MAGI2: variants seen among roughly 807,000 people sequenced by gnomAD.
MAGI2 encodes the protein membrane associated guanylate kinase, WW and PDZ domain containing 2, also known as membrane-associated guanylate kinase, WW and PDZ domain-containing protein 2.
In MAGI2, 35 loss-of-function variants were observed where a neutral mutation model predicts 133.3. The ratio of observed to expected loss-of-function variants is 0.26; its 90% CI spans 0.20 to 0.35. The LOEUF is 0.35. Among genes scored for constraint, MAGI2 ranks in the 10% least tolerant of loss-of-function variants. MAGI2 has a pLI of 1.00. For synonymous variants in MAGI2, 729 were observed against 710.6 expected (o/e 1.03, Z -0.41); for missense variants, 1,636 against 1,863.4 (o/e 0.88, Z 2.25).
intron 1 of MAGI2, among the ~76,000 whole-genome samples, chr7:79,291,390 C>A (rs886831039): frequency 3.9e-5 from 6 of 152,026 alleles, no homozygotes; most frequent in African/African-American, 1.2e-4. Context: ...ATACAAGTTT[C>A]TGTGTGGACA....
chr7:78,787,844 A>C (rs1193155676), intron 2 of MAGI2, among the ~76,000 whole-genome samples: 1 of 152,206 alleles, frequency 6.6e-6, no homozygotes, highest in Non-Finnish European at 1.5e-5. Flanking sequence ...TCATCATATG[A>C]TTTTGTTAAT....
intron 3 of MAGI2, among the ~76,000 whole-genome samples, chr7:78,620,739 A>G (rs1353964269): frequency 1.3e-5 from 2 of 151,988 alleles, no homozygotes; most frequent in Non-Finnish European, 2.9e-5. Flanking sequence ...AAAAATTGGG[A>G]CAATATTACA....
chr7:78,756,823 CCTTT>C (rs1249395277), intron 2 of MAGI2, among the ~76,000 whole-genome samples: 1 of 152,102 alleles, frequency 6.6e-6, no homozygotes, highest in African/African-American at 2.4e-5. Flanking sequence ...AACGTATTCA[CCTTT>C]ATTTTTTTGC....
intron 1 of MAGI2, among the ~76,000 whole-genome samples, chr7:79,298,333 GA>G (rs1837108432): frequency 1.3e-5 from 2 of 152,044 alleles, no homozygotes; most frequent in South Asian, 4.1e-4. Context: ...AGAACAAGTG[GA>G]AACAGTTCCA....
At chr7:78,048,042 C>CA (rs1392727332) in intron 21 of MAGI2, among the ~76,000 whole-genome samples, 1 of 152,216 alleles carries the variant, frequency 6.6e-6, no homozygotes, top group Non-Finnish European at 1.5e-5. Flanking sequence ...TATCAGATAA[C>CA]AGCTGTGGCT....
At position 79,353,253 on chromosome 7, in the gene MAGI2, CCCT is replaced by C. The variant is rs373217234; in HGVS notation, c.301+99764_301+99766del. On this transcript the variant is annotated intron_variant, in intron 1 of 21. Transcript: ENST00000354212. ...TCAGAGTCTAGGGAGCACTTCCACC[CCCT>C]CCTCTTCTCAGCCCTGGCAGGGTGG... 2.4e-3 allele frequency among the ~76,000 whole-genome samples: 372 copies of C among 152,232 alleles called. 3 individuals are homozygous for C. The highest frequency in any genetic ancestry group is 8.3e-3 in the African/African-American group (344 of 41,524).
intron 2 of MAGI2, among the ~76,000 whole-genome samples, chr7:79,004,189 A>G (rs1483749488): frequency 6.6e-6 from 1 of 152,214 alleles, no homozygotes; most frequent in African/African-American, 2.4e-5. Flanking sequence ...TACAATAGCA[A>G]AGACAAGGAC....
chr7:78,330,405 C>T (rs1789047135), intron 9 of MAGI2, among the ~76,000 whole-genome samples: 1 of 38,858 alleles, frequency 2.6e-5, no homozygotes, highest in African/African-American at 1.3e-4. Context: ...ATCACGAGGT[C>T]AGGAGATCGA....
intron 3 of MAGI2, among the ~76,000 whole-genome samples, chr7:78,573,035 G>GTGTATATATA (rs1269123284): frequency 9.5e-5 from 3 of 31,680 alleles, no homozygotes; most frequent in Non-Finnish European, 1.6e-4. Context: ...GCATATGTAT[G>GTGTATATATA]TATATATATA....
At chr7:78,333,887 A>G (rs1055927181) in intron 9 of MAGI2, among the ~76,000 whole-genome samples, 2 of 152,200 alleles carry the variant, frequency 1.3e-5, no homozygotes, top group African/African-American at 4.8e-5. Flanking sequence ...CCAACAATCT[A>G]GTGTTCTTTT....
intron 1 of MAGI2, among the ~76,000 whole-genome samples, chr7:79,133,616 G>A (rs928774217): frequency 6.6e-6 from 1 of 152,006 alleles, no homozygotes; most frequent in Non-Finnish European, 1.5e-5. Flanking sequence ...GTCATTAGTA[G>A]TATTATTTTT....
chr7:79,209,720 C>G (rs1292100163), intron 1 of MAGI2, among the ~76,000 whole-genome samples: 1 of 152,062 alleles, frequency 6.6e-6, no homozygotes, highest in East Asian at 1.9e-4. Context: ...GTGAACACAA[C>G]TCCACATAAT....
At chr7:78,051,349 G>A (rs1343918002) in intron 21 of MAGI2, among the ~76,000 whole-genome samples, 2 of 152,148 alleles carry the variant, frequency 1.3e-5, no homozygotes, top group East Asian at 1.9e-4. Flanking sequence ...CTGTTTCTGA[G>A]AAATATTGTT....
intron 1 of MAGI2, among the ~76,000 whole-genome samples, chr7:79,138,494 C>A (rs934262978): frequency 6.6e-6 from 1 of 152,160 alleles, no homozygotes; most frequent in Non-Finnish European, 1.5e-5. Context: ...GTAGTATAGG[C>A]TTCTCTCAAG....
intron 1 of MAGI2, among the ~76,000 whole-genome samples, chr7:79,262,111 C>A (rs1362071566): frequency 5.9e-5 from 9 of 152,186 alleles, no homozygotes; most frequent in African/African-American, 1.9e-4. Flanking sequence ...AAAACCCCTG[C>A]TTTAAAATAC....
At chr7:78,074,714 C>CT (rs944850723) in intron 21 of MAGI2, among the ~76,000 whole-genome samples, 5 of 152,108 alleles carry the variant, frequency 3.3e-5, no homozygotes, top group Non-Finnish European at 5.9e-5. Context: ...AAAAAGAATT[C>CT]TTTTTTTAAA....
At chr7:79,043,470 G>A (rs1811863666) in intron 1 of MAGI2, among the ~76,000 whole-genome samples, 1 of 146,994 alleles carries the variant, frequency 6.8e-6, no homozygotes, top group Admixed American at 7.0e-5. Context: ...TTGAATCCGG[G>A]AGGTGGAGGT....
chr7:78,321,884 T>A (rs1374794486), intron 9 of MAGI2, among the ~76,000 whole-genome samples: 1 of 152,122 alleles, frequency 6.6e-6, no homozygotes, highest in Non-Finnish European at 1.5e-5. Context: ...GACAAAGGGC[T>A]AATATCCAGA....
intron 1 of MAGI2, among the ~76,000 whole-genome samples, chr7:79,171,220 A>G (rs1207318223): frequency 6.6e-6 from 1 of 152,050 alleles, no homozygotes; most frequent in Non-Finnish European, 1.5e-5. Context: ...GTAGGGAAGG[A>G]TTTGTTCCAA....
Sources: allele counts gnomAD v4.1 joint callset (sites outside exome capture counted in the v4.1 genomes callset), GRCh38; gene constraint gnomAD v4.1.1; transcripts MANE v1.5; gene names NCBI Gene and HGNC (gene_info 2026-07-23, HGNC 2026-07-21).